The following TESK2 variants were observed in gnomAD, a reference collection of about 807,000 sequenced individuals.
TESK2 encodes testis associated actin remodelling kinase 2, also known as dual specificity testis-specific protein kinase 2.
A neutral mutation model predicts 57.1 loss-of-function variants in TESK2; 39 were observed. The ratio of observed to expected loss-of-function variants is 0.68; its 90% CI spans 0.53 to 0.89. The LOEUF (loss-of-function observed/expected upper bound fraction) is 0.89. TESK2 is among the 40% of genes least tolerant of loss of function. The pLI, the probability that TESK2 is intolerant of heterozygous loss-of-function variation, is 0.00. For synonymous variants in TESK2, 249 were observed against 267.9 expected (o/e 0.93, Z 0.69); for missense variants, 646 against 732.1 (o/e 0.88, Z 1.36).
At chr1:45,357,235 AAATAAATG>A (rs750629385) in intron 4 of TESK2, among the ~76,000 whole-genome samples, 1 of 138,270 alleles carries the variant, frequency 7.2e-6, no homozygotes, top group African/African-American at 2.6e-5. Context: ...ATAAATAAAT[AAATAAATG>A]TATGTATGTA....
At chr1:45,369,420 A>C (rs1648086659) in intron 4 of TESK2, among the ~76,000 whole-genome samples, 1 of 152,000 alleles carries the variant, frequency 6.6e-6, no homozygotes, top group Non-Finnish European at 1.5e-5. Flanking sequence ...TTGAAACCAG[A>C]AGGTGGAGGT....
At chr1:45,384,593 A>ATTTTTTTTTTTTTTTTTTTTT (rs59988269) in intron 4 of TESK2, among the ~76,000 whole-genome samples, 3 of 70,864 alleles carry the variant, frequency 4.2e-5, no homozygotes, top group African/African-American at 5.7e-5. Context: ...CTAATTATTA[A>ATTTTTTTTTTTTTTTTTTTTT]TTTTTTTTTT....
intron 4 of TESK2, among the ~76,000 whole-genome samples, chr1:45,376,213 C>CTTTTTTTTTT (rs71052869): frequency 2.5e-5 from 2 of 80,682 alleles, no homozygotes; most frequent in African/African-American, 4.8e-5. Flanking sequence ...CTTTCTCTCT[C>CTTTTTTTTTT]TTTTTTTTTT....
At chr1:45,348,079 C>T in intron 5 of TESK2, 79 bp from the exon 6 acceptor site, 1 of 956,876 alleles carries the variant, frequency 1.0e-6, no homozygotes, top group Non-Finnish European at 1.7e-6. Context: ...CCATTCCCCC[C>T]TTCCTATCAC....
At chr1:45,424,645 T>C (rs1462321520) in intron 2 of TESK2, among the ~76,000 whole-genome samples, 1 of 152,204 alleles carries the variant, frequency 6.6e-6, no homozygotes, top group Non-Finnish European at 1.5e-5. Flanking sequence ...ACTCTTCTTA[T>C]TTTTCCATCA....
chr1:45,407,742 TC>T lies in TESK2; in HGVS notation c.344+13982del, dbSNP rs560588474. Reference sequence around the variant, plus strand: ...CATCTTTTGCCATGACTGTGAGGCCTCCCCAGCCACGTGGAACTACGAGTCC... The same window carrying T: ...CATCTTTTGCCATGACTGTGAGGCCTCCCAGCCACGTGGAACTACGAGTCC... On this transcript the variant is annotated intron_variant, in intron 3 of 10. Transcript: ENST00000372086. 1.8e-3 allele frequency among the ~76,000 whole-genome samples: 269 copies of T among 152,302 alleles called. 2 individuals are homozygous for T. Among genetic ancestry groups the T allele is most frequent in the African/African-American group, 6.1e-3 (253 of 41,554 alleles).
chr1:45,429,310 C>G (rs1052537045), intron 2 of TESK2, among the ~76,000 whole-genome samples: 8 of 151,942 alleles, frequency 5.3e-5, no homozygotes, highest in African/African-American at 1.9e-4. Flanking sequence ...GCAGAAGAAT[C>G]GCTTGAACCC....
intron 3 of TESK2, chr1:45,415,006 C>G: frequency 1.2e-6 from 1 of 847,528 alleles, no homozygotes; most frequent in East Asian, 2.7e-5. Context: ...CCGCCAGGAG[C>G]CCCGTACTAT....
intron 5 of TESK2, among the ~76,000 whole-genome samples, chr1:45,354,815 A>AATATAT (rs199613712): frequency 7.9e-4 from 32 of 40,690 alleles, no homozygotes; most frequent in African/African-American, 1.4e-3. Context: ...AAAAAAAAAA[A>AATATAT]ATATATATAT....
intron 3 of TESK2, among the ~76,000 whole-genome samples, chr1:45,411,410 G>T (rs551621849): frequency 2.0e-5 from 3 of 152,098 alleles, no homozygotes; most frequent in Non-Finnish European, 2.9e-5. Flanking sequence ...CATAAGGGAC[G>T]TGCAACCAAG....
chr1:45,417,647 G>A (rs1014530832), intron 3 of TESK2, among the ~76,000 whole-genome samples: 2 of 150,626 alleles, frequency 1.3e-5, no homozygotes, highest in Admixed American at 6.6e-5. Flanking sequence ...GCTGGAGTGC[G>A]GTGGCGCGAT....
chr1:45,490,486 T>C (rs1653673444), intron 1 of TESK2, among the ~76,000 whole-genome samples: 1 of 152,026 alleles, frequency 6.6e-6, no homozygotes, highest in Non-Finnish European at 1.5e-5. Flanking sequence ...AACCCAGATC[T>C]CTGAGGCAGG....
rs542888344 is a variant in TESK2, at chr1:45,384,827, G to C, written c.393+1085C>G. Among the ~76,000 whole-genome samples the C allele has an allele frequency of 2.4e-4, 37 of 151,812 alleles. No homozygotes were observed. In the Middle Eastern group the frequency reaches 0.01, roughly 42 times the overall value. On this transcript the variant is annotated intron_variant, in intron 4 of 10. Transcript: ENST00000372086. ...CTTTGAGATACAGACAGATTCAAAC[G>C]TATGTAATCAAGACTTCAGAGGCCA...
chr1:45,345,023 C>T lies in TESK2; in HGVS notation c.1533G>A (p.Glu511=), dbSNP rs1647118640. ...CCTGGAGAATGGAGCAGTCCATAGC[C>T]TCATGGGCTTGAGCAGCTGGTAGGG... ...ASALPAAQAH[E]AMDCSILQEE... The change falls in exon 11 of 11, where the codon GAG becomes GAA. Residue 511 remains glutamate (E), a synonymous_variant. Transcript: ENST00000372086. 6.2e-7 allele frequency: 1 copy of T among 1,614,272 alleles called. No individual in the cohort carries two copies. Among genetic ancestry groups the T allele is most frequent in the Non-Finnish European group, 8.5e-7 (1 of 1,180,050 alleles).
intron 4 of TESK2, among the ~76,000 whole-genome samples, chr1:45,382,738 C>T (rs1231210943): frequency 3.9e-5 from 6 of 151,988 alleles, no homozygotes; most frequent in Admixed American, 1.3e-4. Flanking sequence ...GTCATGGTGG[C>T]GCATGCCTGT....
At chr1:45,443,568 CAAAAAAAAAAAAAA>C (rs34128016) in intron 2 of TESK2, among the ~76,000 whole-genome samples, 6 of 32,048 alleles carry the variant, frequency 1.9e-4, no homozygotes, top group South Asian at 1.9e-3. Context: ...AGATCCATCG[CAAAAAAAAAAAAAA>C]AAAAAAAAAA....
rs1284185348 is a variant in TESK2, at chr1:45,346,756, A to G, written c.816T>C (p.Ala272=). 6.2e-7 allele frequency: 1 copy of G among 1,614,006 alleles called. No individual in the cohort carries two copies. Among genetic ancestry groups the G allele is most frequent in the Non-Finnish European group, 8.5e-7 (1 of 1,180,018 alleles). ...GACAGTCTCCCACCATGTGCTGGAA[A>G]GCATCATAGTCCAGCCCGAAATTCT... ...RTENFGLDYD[A]FQHMVGDCPP... Residue 272 remains alanine (A), a synonymous_variant, in exon 9 of 11, where the codon GCT becomes GCC. Transcript: ENST00000372086.
chr1:45,469,548 T>C (rs1034086967), intron 1 of TESK2, among the ~76,000 whole-genome samples: 1 of 152,178 alleles, frequency 6.6e-6, no homozygotes, highest in Non-Finnish European at 1.5e-5. Flanking sequence ...TTATAACATG[T>C]CTCCTTCAGA....
intron 2 of TESK2, among the ~76,000 whole-genome samples, chr1:45,439,453 T>C (rs922659033): frequency 6.6e-6 from 1 of 152,220 alleles, no homozygotes; most frequent in African/African-American, 2.4e-5. Flanking sequence ...AATAGCTCCA[T>C]AGATATCAGC....
Sources: gnomAD v4.1 joint callset for allele counts (sites outside exome capture counted in the v4.1 genomes callset) on GRCh38, gnomAD v4.1.1 for gene constraint, MANE v1.5 for transcripts, NCBI Gene and HGNC (gene_info 2026-07-23, HGNC 2026-07-21) for gene names.